SLC5A8: variants seen among roughly 807,000 people sequenced by gnomAD.
SLC5A8 encodes solute carrier family 5 member 8.
In SLC5A8, 55 loss-of-function variants were observed where a neutral mutation model predicts 71.9. That is an observed-to-expected ratio of 0.77 (90% CI 0.62 to 0.96). SLC5A8 has a LOEUF of 0.96. Ranked by LOEUF, SLC5A8 falls within the 40% of genes least tolerant of loss-of-function variation. The pLI, the probability that SLC5A8 is intolerant of heterozygous loss-of-function variation, is 0.00. For synonymous variants in SLC5A8, 307 were observed against 276.1 expected, an observed-to-expected ratio of 1.11 and a Z score of -1.11; for missense variants, 701 against 745.3, an observed-to-expected ratio of 0.94 and a Z score of 0.69.
intron 5 of SLC5A8, 25 bp from the exon 6 acceptor site, chr12:101,190,633 A>C: frequency 1.9e-6 from 3 of 1,587,744 alleles, no homozygotes; most frequent in Middle Eastern, 1.7e-4. Context: ...ACAGAAAACA[A>C]ATCTGAACTA....
At chr12:101,157,921 A>T (rs1260446170) in intron 14 of SLC5A8, among the ~76,000 whole-genome samples, 1 of 152,188 alleles carries the variant, frequency 6.6e-6, no homozygotes, top group Non-Finnish European at 1.5e-5. Flanking sequence ...GAATAGAGGG[A>T]TATACAACAG....
At chr12:101,199,243 T>A (rs1367296795) in intron 3 of SLC5A8, 1 of 152,022 alleles carries the variant, frequency 6.6e-6, no homozygotes, top group African/African-American at 2.4e-5. Flanking sequence ...AGACTTTTTA[T>A]TTTATTATTT....
At chr12:101,167,780 A>G (rs994343162) in intron 11 of SLC5A8, among the ~76,000 whole-genome samples, 2 of 152,182 alleles carry the variant, frequency 1.3e-5, no homozygotes, top group Admixed American at 1.3e-4. Flanking sequence ...GAGCCTATTG[A>G]TCTCTTTTAA....
At chr12:101,185,990 G>A (rs1868619442) in intron 7 of SLC5A8, among the ~76,000 whole-genome samples, 1 of 152,100 alleles carries the variant, frequency 6.6e-6, no homozygotes, top group African/African-American at 2.4e-5. Flanking sequence ...TATCAGTTGG[G>A]GAGAAATCTT....
chr12:101,187,658 AT>A (rs1178951353), intron 6 of SLC5A8, 143 bp from the exon 7 acceptor site: 2 of 887,114 alleles, frequency 2.3e-6, no homozygotes, highest in African/African-American at 1.7e-5. Flanking sequence ...AACTCTACTT[AT>A]TTTATTCTAG....
chr12:101,167,449 AC>A (rs1481335119), intron 11 of SLC5A8, among the ~76,000 whole-genome samples: 1 of 152,230 alleles, frequency 6.6e-6, no homozygotes, highest in Non-Finnish European at 1.5e-5. Flanking sequence ...TTCCTGAACT[AC>A]ATCTTATAGC....
At chr12:101,184,028 C>T (rs1868493213) in intron 8 of SLC5A8, 106 bp downstream of exon 8, 4 of 1,093,028 alleles carry the variant, frequency 3.7e-6, no homozygotes, top group South Asian at 1.5e-5. Context: ...TACTTTGGGC[C>T]ATCTGTGTCT....
At chr12:101,201,881 A>C (rs1479744426) in intron 3 of SLC5A8, among the ~76,000 whole-genome samples, 1 of 152,180 alleles carries the variant, frequency 6.6e-6, no homozygotes, top group Non-Finnish European at 1.5e-5. Flanking sequence ...CTTTGGCTAC[A>C]GGGAGCTTTA....
chr12:101,185,395 CT>C (rs1182699164), intron 7 of SLC5A8, among the ~76,000 whole-genome samples: 1 of 152,136 alleles, frequency 6.6e-6, no homozygotes, highest in Non-Finnish European at 1.5e-5. Flanking sequence ...TCTCAAAAAT[CT>C]GTGGTGTAAT....
In SLC5A8 at chr12:101,182,618, G is replaced by C. The variant is rs114260360; in HGVS notation, c.1165+185C>G. ...AAGTGTCTCCCAAATCTTGATTACA[G>C]ATATGGTAACATTAAACATTGATAC... On this transcript the variant is annotated intron_variant, in intron 9 of 14. Coordinates refer to ENST00000536262, the MANE Select transcript of SLC5A8 (RefSeq NM_145913.5). Among the ~76,000 whole-genome samples the C allele has an allele frequency of 5.2e-3, 797 of 152,276 alleles. 6 individuals carry two copies. Among genetic ancestry groups the C allele is most frequent in the African/African-American group, 0.018 (756 of 41,544 alleles).
At chr12:101,193,844 A>G (rs1566320867) in intron 4 of SLC5A8, 65 bp from the exon 5 acceptor site, 2 of 1,501,022 alleles carry the variant, frequency 1.3e-6, no homozygotes, top group Admixed American at 1.9e-5. Context: ...CTACACACTT[A>G]TACACTATAC....
chr12:101,200,051 A>AAAAAAAAAAAAAAT (rs1869384929), intron 3 of SLC5A8, among the ~76,000 whole-genome samples: 1 of 86,004 alleles, frequency 1.2e-5, no homozygotes, highest in African/African-American at 5.2e-5. Flanking sequence ...AAAAAAAAAA[A>AAAAAAAAAAAAAAT]AAAGGGAATG....
At chr12:101,200,009 C>CA (rs1182463470) in intron 3 of SLC5A8, among the ~76,000 whole-genome samples, 1 of 9,640 alleles carries the variant, frequency 1.0e-4, no homozygotes, top group African/African-American at 3.6e-4. Flanking sequence ...GTACTACCAG[C>CA]AAAAAAAAAA....
chr12:101,160,764 A>G (rs1000271865), intron 13 of SLC5A8, among the ~76,000 whole-genome samples: 2 of 152,244 alleles, frequency 1.3e-5, no homozygotes, highest in Non-Finnish European at 2.9e-5. Context: ...AAGTGAAAAA[A>G]TATCTCACAT....
intron 10 of SLC5A8, among the ~76,000 whole-genome samples, chr12:101,177,397 T>G (rs1205620100): frequency 1.3e-5 from 2 of 151,798 alleles, no homozygotes; most frequent in African/African-American, 4.8e-5. Flanking sequence ...TCCCAATTTA[T>G]TTTATGAAGC....
intron 13 of SLC5A8, among the ~76,000 whole-genome samples, chr12:101,158,598 C>CTCTCTA (rs1411795424): frequency 1.9e-3 from 41 of 21,202 alleles, no homozygotes; most frequent in Non-Finnish European, 2.7e-3. Flanking sequence ...CTCTCTCTCT[C>CTCTCTA]TATATATATA....
At chr12:101,195,746 G>C (rs1353941368) in intron 3 of SLC5A8, among the ~76,000 whole-genome samples, 1 of 144,170 alleles carries the variant, frequency 6.9e-6, no homozygotes, top group South Asian at 2.2e-4. Context: ...TACCAGGCTG[G>C]AGTGCAGTGG....
chr12:101,178,762 C>T lies in SLC5A8; in HGVS notation c.1233+1267G>A, dbSNP rs142046778. Reference sequence around the variant, plus strand: ...GCTGGGGCTAGGTAAAGTTCTTAGACTTTACACCAGAAACACAATCCATGA... The same window carrying T: ...GCTGGGGCTAGGTAAAGTTCTTAGATTTTACACCAGAAACACAATCCATGA... On this transcript the variant is annotated intron_variant, in intron 10 of 14. Transcript: ENST00000536262. Among the ~76,000 whole-genome samples, 110 of 151,940 alleles carry T rather than the reference C, an allele frequency of 7.2e-4. 1 individual carries two copies. In the East Asian group the frequency reaches 0.02, roughly 28 times the overall value.
Position 101,155,649 on chromosome 12 carries a change from G to A in SLC5A8, c.*1630C>T, listed in dbSNP as rs1213455427. 1.3e-5 allele frequency: 2 copies of A among 151,402 alleles called. No homozygotes were observed. Among genetic ancestry groups the A allele is most frequent in the Non-Finnish European group, 2.9e-5 (2 of 67,878 alleles). The allele number at this position is 151,402 out of a possible 1,614,324, so 9.4% of individuals were successfully genotyped here. ...CTACAAGTATGTGGCAACATGCCTA[G>A]CTAAGTTTTTTTTATTTTTATTTTT... On this transcript the variant is annotated 3_prime_UTR_variant, in exon 15 of 15. Coordinates refer to ENST00000536262, the MANE Select transcript of SLC5A8 (RefSeq NM_145913.5).
Sources: allele counts gnomAD v4.1 joint callset (sites outside exome capture counted in the v4.1 genomes callset), GRCh38; gene constraint gnomAD v4.1.1; transcripts MANE v1.5; gene names NCBI Gene and HGNC (gene_info 2026-07-23, HGNC 2026-07-21).